Variants in PYROXD1 observed in about 807,000 individuals in gnomAD.
The protein encoded by PYROXD1 is pyridine nucleotide-disulphide oxidoreductase domain 1.
Under a neutral mutation model 62.0 loss-of-function variants are expected in PYROXD1, and 42 were observed. That is an observed-to-expected ratio of 0.68 (90% confidence interval 0.53 to 0.88). The LOEUF (loss-of-function observed/expected upper bound fraction) is 0.88. Among genes scored for constraint, PYROXD1 ranks in the 40% least tolerant of loss-of-function variants. The pLI is 0.00. For missense variants in PYROXD1, 493 were observed against 604.8 expected, an observed-to-expected ratio of 0.82 and a Z score of 1.94; for synonymous variants, 170 against 206.4, an observed-to-expected ratio of 0.82 and a Z score of 1.51.
chr12:21,446,009 A>G (rs551770270), intron 3 of PYROXD1, among the ~76,000 whole-genome samples: 7 of 152,184 alleles, frequency 4.6e-5, no homozygotes, highest in Admixed American at 2.0e-4. Context: ...AAGAAAGGAA[A>G]AGAAATATGA....
intron 4 of PYROXD1, among the ~76,000 whole-genome samples, chr12:21,451,224 TCTCTC>T (rs1942490990): frequency 1.9e-5 from 2 of 107,060 alleles, no homozygotes; most frequent in South Asian, 2.8e-4. Flanking sequence ...CTGGCTTCTC[TCTCTC>T]TTTTTTTTTT....
At chr12:21,451,942 A>T (rs1194785983) in intron 4 of PYROXD1, 139 bp from the exon 5 acceptor site, 3 of 607,564 alleles carry the variant, frequency 4.9e-6, no homozygotes. Context: ...ACCCTGATAC[A>T]GTGGGAAAGT....
chr12:21,442,918 T>C (rs1364113579), intron 2 of PYROXD1, among the ~76,000 whole-genome samples: 1 of 152,220 alleles, frequency 6.6e-6, no homozygotes, highest in Non-Finnish European at 1.5e-5. Context: ...TTTATGTGGT[T>C]ATTCTCCATT....
At chr12:21,446,453 T>C (rs1007264285) in intron 3 of PYROXD1, among the ~76,000 whole-genome samples, 1 of 151,866 alleles carries the variant, frequency 6.6e-6, no homozygotes, top group South Asian at 2.1e-4. Flanking sequence ...GAGTTTGTTT[T>C]ATATTTGGGA....
intron 5 of PYROXD1, among the ~76,000 whole-genome samples, chr12:21,453,408 G>T (rs909461659): frequency 6.6e-6 from 1 of 151,956 alleles, no homozygotes; most frequent in Non-Finnish European, 1.5e-5. Flanking sequence ...TTTGTCTCTC[G>T]TGAAACTTGG....
chr12:21,450,591 C>T (rs1009523589), intron 4 of PYROXD1, among the ~76,000 whole-genome samples: 1 of 152,192 alleles, frequency 6.6e-6, no homozygotes, highest in African/African-American at 2.4e-5. Flanking sequence ...TGCCAAGAAG[C>T]TCTTCCTGGT....
chr12:21,439,237 A>G (rs949960704), intron 1 of PYROXD1, among the ~76,000 whole-genome samples: 2 of 152,218 alleles, frequency 1.3e-5, no homozygotes, highest in Non-Finnish European at 2.9e-5. Context: ...ACTTGATCAT[A>G]TGAAAAGGCT....
At chr12:21,461,201 G>T (rs774657712) in intron 8 of PYROXD1, 47 bp downstream of exon 8, 1 of 1,115,952 alleles carries the variant, frequency 9.0e-7, no homozygotes, top group South Asian at 2.3e-5. Flanking sequence ...TTAATTAAAA[G>T]GAAAACAATT....
chr12:21,459,923 G>C (rs1942663342), intron 7 of PYROXD1, among the ~76,000 whole-genome samples: 1 of 152,160 alleles, frequency 6.6e-6, no homozygotes, highest in African/African-American at 2.4e-5. Context: ...GGTCACTTCA[G>C]ATGCATGCAG....
At chr12:21,451,097 T>C (rs572274553) in intron 4 of PYROXD1, among the ~76,000 whole-genome samples, 102 of 152,252 alleles carry the variant, frequency 6.7e-4, no homozygotes, top group African/African-American at 2.3e-3. Context: ...AGATGTCAGC[T>C]TCAGTGAATA....
intron 5 of PYROXD1, 152 bp downstream of exon 5, chr12:21,452,306 T>C (rs1245781462): frequency 8.9e-6 from 5 of 561,440 alleles, no homozygotes; most frequent in South Asian, 4.7e-5. Context: ...AATTTTCATA[T>C]GTTTTCAAGG....
intron 10 of PYROXD1, among the ~76,000 whole-genome samples, chr12:21,464,366 A>G (rs953481557): frequency 3.3e-5 from 5 of 152,080 alleles, no homozygotes; most frequent in African/African-American, 1.2e-4. Flanking sequence ...TACTGTGCTC[A>G]GTTTATTCTG....
At chr12:21,460,979 A>G in intron 7 of PYROXD1, 46 bp from the exon 8 acceptor site, 2 of 1,213,500 alleles carry the variant, frequency 1.6e-6, no homozygotes, top group Non-Finnish European at 2.2e-6. Flanking sequence ...AACCCGGGTT[A>G]TTCTTTCTGT....
At chr12:21,447,928 A>G in intron 3 of PYROXD1, 1 of 228,396 alleles carries the variant, frequency 4.4e-6, no homozygotes. Flanking sequence ...GATTGCAGTG[A>G]GCTGAGATCA....
At position 21,462,937 on chromosome 12, in the gene PYROXD1, C is replaced by T. The variant is rs187981519; in HGVS notation, c.1116+75C>T. The T allele has an allele frequency of 1.1e-4, 156 of 1,465,440 alleles. 1 individual carries two copies. The African/African-American group carries it at 1.8e-3, about 17-fold the overall frequency. 90.8% of individuals were successfully genotyped at this position (1,465,440 alleles called of 1,614,324 possible). ...AATAAAGCGGTTGTTACCAACAAAT[C>T]CAACTTCTGGTTTTCCAACTTTTCT... On this transcript the variant is annotated intron_variant, in intron 10 of 11. Coordinates refer to ENST00000240651, the MANE Select transcript of PYROXD1 (RefSeq NM_024854.5).
intron 9 of PYROXD1, among the ~76,000 whole-genome samples, chr12:21,462,473 AG>A (rs1208576674): frequency 6.8e-6 from 1 of 146,128 alleles, no homozygotes; most frequent in Non-Finnish European, 1.5e-5. Flanking sequence ...AAAAAAAAAA[AG>A]AATATTCTTG....
intron 1 of PYROXD1, 70 bp from the exon 2 acceptor site, chr12:21,440,298 A>T (rs763399510): frequency 3.6e-6 from 3 of 841,408 alleles, no homozygotes; most frequent in Non-Finnish European, 5.8e-6. Flanking sequence ...ATTATTCTCA[A>T]CCCCAAACCA....
At position 21,455,436 on chromosome 12, in the gene PYROXD1, T is replaced by TTCTATTTTATATATATGTA. The variant is rs1360710172; in HGVS notation, c.649+146_649+164dup. 3.5e-3 allele frequency: 1,105 copies of TTCTATTTTATATATATGTA among 319,432 alleles called. 13 individuals carry two copies. The highest frequency in any genetic ancestry group is 0.019 in the African/African-American group (836 of 43,924). 19.8% of individuals were successfully genotyped at this position (319,432 alleles called of 1,614,324 possible). A position where few individuals can be genotyped will look rare whatever the true frequency, so the allele number is the denominator to read the frequency against. On this transcript the variant is annotated intron_variant, in intron 6 of 11. Coordinates refer to ENST00000240651, the MANE Select transcript of PYROXD1 (RefSeq NM_024854.5). ...TATCTTTACATGAAGTTTTCAGATT[T>TTCTATTTTATATATATGTA]TCTATTTTATATATATGTATGTATT...
At chr12:21,460,892 A>G (rs536860044) in intron 7 of PYROXD1, 133 bp from the exon 8 acceptor site, 7 of 518,736 alleles carry the variant, frequency 1.3e-5, no homozygotes, top group South Asian at 1.1e-4. Context: ...AGGGCACCCA[A>G]TGTGGTTTCA....
Sources: gnomAD v4.1 joint callset for allele counts (sites outside exome capture counted in the v4.1 genomes callset) on GRCh38, gnomAD v4.1.1 for gene constraint, MANE v1.5 for transcripts, NCBI Gene and HGNC (gene_info 2026-07-23, HGNC 2026-07-21) for gene names.